TRAP1: variants seen among roughly 807,000 people sequenced by gnomAD.
TRAP1 encodes TNF receptor associated protein 1, also known as heat shock protein 75 kDa, mitochondrial.
A neutral mutation model predicts 89.1 loss-of-function variants in TRAP1; 102 were observed. That is an observed-to-expected ratio of 1.15 (90% confidence interval 0.98 to 1.35). The LOEUF (loss-of-function observed/expected upper bound fraction) is 1.35, where lower values mean the gene tolerates loss of function less well. Among genes scored for constraint, TRAP1 ranks in the 40% most tolerant of loss-of-function variants. TRAP1 has a pLI of 0.00. For synonymous variants in TRAP1, 508 were observed against 388.0 expected (o/e 1.31, Z -3.64); for missense variants, 1,256 against 945.3 (o/e 1.33, Z -4.31).
At chr16:3,684,267 T>A (rs371528139) in intron 4 of TRAP1, among the ~76,000 whole-genome samples, 20 of 152,360 alleles carry the variant, frequency 1.3e-4, no homozygotes, top group African/African-American at 4.3e-4. Context: ...ACCGGAATGA[T>A]ACTGTTGTAA....
intron 4 of TRAP1, 73 bp from the exon 5 acceptor site, chr16:3,679,863 G>T: frequency 6.8e-7 from 1 of 1,473,470 alleles, no homozygotes; most frequent in Non-Finnish European, 9.4e-7. Context: ...AGCAGTCCCA[G>T]GGACTCAAGT....
At chr16:3,676,791 C>G (rs2051002345) in intron 6 of TRAP1, 1 of 152,380 alleles carries the variant, frequency 6.6e-6, no homozygotes, top group Admixed American at 6.5e-5. Context: ...CGTGGTGGCT[C>G]ACGTCTATAA....
intron 1 of TRAP1, among the ~76,000 whole-genome samples, chr16:3,699,629 C>CAAAAAA (rs35602361): frequency 2.8e-5 from 2 of 72,052 alleles, no homozygotes; most frequent in Non-Finnish European, 2.8e-5. Flanking sequence ...AACTCCGTCT[C>CAAAAAA]AAAAAAAAAA....
chr16:3,717,452 C>A lies in TRAP1; in HGVS notation c.57G>T (p.Leu19=). Reference sequence around the variant, plus strand: ...GCACGGCCGCCAGCGCCGGCGCCCGCAGCAAAGGCCGCAGGCGGCGGCCCC... The same window carrying A: ...GCACGGCCGCCAGCGCCGGCGCCCGAAGCAAAGGCCGCAGGCGGCGGCCCC... ...LLWGRRLRPL[L]RAPALAAVPG... is the part of the protein sequence containing the mutation. The change falls in exon 1 of 18, where the codon CTG becomes CTT. Residue 19 remains leucine, a synonymous_variant. Coordinates refer to ENST00000246957, the MANE Select transcript of TRAP1 (RefSeq NM_016292.3). 2 of 1,285,412 alleles carry A rather than the reference C, an allele frequency of 1.6e-6. 1 individual carries two copies. Among genetic ancestry groups the A allele is most frequent in the South Asian group, 5.3e-5 (2 of 37,662 alleles). The allele number at this position is 1,285,412 out of a possible 1,614,324, so 79.6% of individuals were successfully genotyped here.
At chr16:3,706,356 T>C (rs1405381368) in intron 1 of TRAP1, among the ~76,000 whole-genome samples, 2 of 151,578 alleles carry the variant, frequency 1.3e-5, no homozygotes, top group Non-Finnish European at 2.9e-5. Flanking sequence ...TCATGGTGCA[T>C]GGTAGCCTCC....
intron 13 of TRAP1, chr16:3,664,040 G>A (rs900688055): frequency 1.3e-5 from 6 of 477,878 alleles, no homozygotes; most frequent in African/African-American, 1.2e-4. Context: ...TCTAGCCTGG[G>A]CGAGAGAGCA....
chr16:3,672,623 A>T (rs1389494791), intron 10 of TRAP1, 77 bp downstream of exon 10: 11 of 1,499,844 alleles, frequency 7.3e-6, no homozygotes, highest in East Asian at 2.4e-5. Flanking sequence ...TGAGAATGGA[A>T]TCAGCACGGT....
chr16:3,672,307 A>G (rs1291431092), intron 10 of TRAP1, among the ~76,000 whole-genome samples: 1 of 152,220 alleles, frequency 6.6e-6, no homozygotes, highest in African/African-American at 2.4e-5. Context: ...CCTGGGTGAC[A>G]GAGCAAGACT....
At chr16:3,690,427 T>C (rs940336293) in intron 2 of TRAP1, among the ~76,000 whole-genome samples, 17 of 152,210 alleles carry the variant, frequency 1.1e-4, no homozygotes, top group Non-Finnish European at 8.8e-5. Flanking sequence ...AAGCCAGAAA[T>C]GGAGCCACTT....
intron 11 of TRAP1, among the ~76,000 whole-genome samples, chr16:3,667,669 TTAA>T (rs938335798): frequency 6.6e-6 from 1 of 151,052 alleles, no homozygotes; most frequent in Admixed American, 6.6e-5. Flanking sequence ...AAAAATTTTA[TTAA>T]TGATAGCAAG....
At chr16:3,675,211 G>C (rs1465559030) in intron 8 of TRAP1, 113 bp downstream of exon 8, 42 of 986,492 alleles carry the variant, frequency 4.3e-5, no homozygotes, top group Non-Finnish European at 5.5e-5. Flanking sequence ...CCACAGAGCA[G>C]CTCGCCCTGT....
At chr16:3,663,007 C>A in intron 14 of TRAP1, 40 bp from the exon 15 acceptor site, 1 of 1,521,966 alleles carries the variant, frequency 6.6e-7, no homozygotes, top group Non-Finnish European at 8.9e-7. Flanking sequence ...GGCCTGCATC[C>A]CAACTCCCCG....
chr16:3,664,599 CG>C (rs2050784903), intron 12 of TRAP1, 140 bp from the exon 13 acceptor site: 1 of 891,940 alleles, frequency 1.1e-6, no homozygotes, highest in Non-Finnish European at 1.7e-6. Flanking sequence ...GTAGTGGACT[CG>C]GGGGTTGTCC....
intron 8 of TRAP1, 53 bp from the exon 9 acceptor site, chr16:3,674,547 C>T: frequency 6.3e-7 from 1 of 1,591,786 alleles, no homozygotes; most frequent in East Asian, 2.3e-5. Flanking sequence ...CACGTCTTCT[C>T]CACCACCGTG....
chr16:3,663,497 C>T lies in TRAP1; in HGVS notation c.1635G>A (p.Lys545=). The part of the protein sequence containing the change: ...TLLHLREFDK[K]KLISVETDIV... Reference sequence around the variant, plus strand: ...TGTCCGTCTCCACAGAGATCAGCTTCTTCTTGTCAAACTCACGAAGGTGCA... The same window carrying T: ...TGTCCGTCTCCACAGAGATCAGCTTTTTCTTGTCAAACTCACGAAGGTGCA... Residue 545 remains lysine (K), a synonymous_variant, in exon 14 of 18, where the codon AAG becomes AAA. Transcript: ENST00000246957. The T allele has an allele frequency of 6.2e-7, 1 of 1,614,202 alleles. No individual in the cohort carries two copies. The highest frequency in any genetic ancestry group is 1.3e-5 in the African/African-American group (1 of 75,058).
chr16:3,717,454 G>A lies in TRAP1; in HGVS notation c.55C>T (p.Leu19=), dbSNP rs963225362. Residue 19 remains leucine (L), a synonymous_variant, in exon 1 of 18, where the codon CTG becomes TTG. Transcript: ENST00000246957. ...ACGGCCGCCAGCGCCGGCGCCCGCA[G>A]CAAAGGCCGCAGGCGGCGGCCCCAC... ...LLWGRRLRPL[L]RAPALAAVPG... is the part of the protein sequence containing the mutation. 1.8e-5 allele frequency: 23 copies of A among 1,287,134 alleles called. No individual in the cohort carries two copies. The Admixed American group carries it at 5.8e-4, about 33-fold the overall frequency. 79.7% of individuals were successfully genotyped at this position (1,287,134 alleles called of 1,614,324 possible). A position where few individuals can be genotyped will look rare whatever the true frequency, so the allele number is the denominator to read the frequency against.
At position 3,702,568 on chromosome 16, in the gene TRAP1, C is replaced by A. The variant is rs1381936177; in HGVS notation, c.89-11583G>T. On this transcript the variant is annotated intron_variant, in intron 1 of 17. Coordinates refer to ENST00000246957, the MANE Select transcript of TRAP1 (RefSeq NM_016292.3). The stretch of plus-strand genomic sequence containing the variant: ...GACCAGCATGGGCAAACTGGTGAAA[C>A]CCCGTCCCTACCAAAAATACAAAAA... Among the ~76,000 whole-genome samples, 7 of 151,448 alleles carry A rather than the reference C, an allele frequency of 4.6e-5. No individual in the cohort carries two copies. The East Asian group carries it at 1.4e-3, about 29-fold the overall frequency.
At chr16:3,658,311 G>T in intron 17 of TRAP1, 81 bp from the exon 18 acceptor site, 1 of 1,169,114 alleles carries the variant, frequency 8.6e-7, no homozygotes. Context: ...GAGTCTCACT[G>T]TTGCCGAGGC....
intron 5 of TRAP1, 107 bp downstream of exon 5, chr16:3,679,612 G>C: frequency 9.1e-7 from 1 of 1,099,344 alleles, no homozygotes; most frequent in Non-Finnish European, 1.4e-6. Flanking sequence ...TGCGTGGCAT[G>C]CAACTGACAA....
Sources: allele counts gnomAD v4.1 joint callset (sites outside exome capture counted in the v4.1 genomes callset), GRCh38; gene constraint gnomAD v4.1.1; transcripts MANE v1.5; gene names NCBI Gene and HGNC (gene_info 2026-07-23, HGNC 2026-07-21).